The following LRWD1 variants were observed in gnomAD, a reference collection of about 807,000 sequenced individuals.
The protein encoded by LRWD1 is leucine rich repeats and WD repeat domain containing 1, also known as leucine-rich repeat and WD repeat-containing protein 1.
In LRWD1, 76 loss-of-function variants were observed where a neutral mutation model predicts 75.6. The observed-to-expected ratio is 1.01, with a 90% CI of 0.84 to 1.22. The LOEUF (loss-of-function observed/expected upper bound fraction) is 1.22, where lower values mean the gene tolerates loss of function less well. Ranked by LOEUF, LRWD1 falls within the 50% of genes most tolerant of loss-of-function variation. The pLI is 0.00. For missense variants in LRWD1, 917 were observed against 862.0 expected, an observed-to-expected ratio of 1.06 and a Z score of -0.80; for synonymous variants, 487 against 377.0, an observed-to-expected ratio of 1.29 and a Z score of -3.38.
At chr7:102,469,689 C>T (rs750559193) in intron 10 of LRWD1, 43 bp downstream of exon 10, 6 of 1,613,708 alleles carry the variant, frequency 3.7e-6, no homozygotes, top group Non-Finnish European at 5.1e-6. Flanking sequence ...GCTGCTGGGG[C>T]AGGGACACCT....
At chr7:102,472,664 C>T (rs377703199) in intron 13 of LRWD1, 28 bp from the exon 14 acceptor site, 2 of 1,612,116 alleles carry the variant, frequency 1.2e-6, no homozygotes, top group South Asian at 1.1e-5. Flanking sequence ...GCTCTGCCCC[C>T]ACTCAGACTC....
At chr7:102,467,215 T>TGTGTGTGTGTGTGTGTGTGTG in intron 3 of LRWD1, 124 bp from the exon 4 acceptor site, 3 of 878,870 alleles carry the variant, frequency 3.4e-6, no homozygotes, top group Admixed American at 2.2e-5. Flanking sequence ...TGTGTGTGTG[T>TGTGTGTGTGTGTGTGTGTGTG]TTTATGAGGC....
Position 102,465,984 on chromosome 7 carries a change from A to T in LRWD1, c.248A>T (p.Asp83Val). The change falls in exon 2 of 15, where the codon GAT (aspartate) becomes GTT (valine). Residue 83 changes from aspartate (D) to valine (V), a missense_variant. By Grantham distance (152) the Asp-to-Val change is radical (BLOSUM62 -3). Transcript: ENST00000292616. ...VLRCANNQLG[D>V]VTALCQFPKL... ...CGCTGCGCCAACAACCAGCTGGGGG[A>T]TGTTACTGCCTTGTGCCAGTTCCCC... 6.2e-7 allele frequency: 1 copy of T among 1,613,844 alleles called. No individual in the cohort carries two copies. The highest frequency in any genetic ancestry group is 1.3e-5 in the African/African-American group (1 of 74,980).
rs778805830 is a variant in LRWD1, at chr7:102,468,657, G to C, written c.1020+3G>C. 4.5e-6 allele frequency: 7 copies of C among 1,560,624 alleles called. No homozygotes were observed. Reference sequence around the variant, plus strand: ...ACAAGTACAAGGCACCCGGCGAGGTGAGTGCAAGGCCCTGTCCCTGCTGGG... The same window carrying C: ...ACAAGTACAAGGCACCCGGCGAGGTCAGTGCAAGGCCCTGTCCCTGCTGGG... On this transcript the variant is annotated splice_donor_region_variant and intron_variant, in intron 8 of 14. Coordinates refer to ENST00000292616, the MANE Select transcript of LRWD1 (RefSeq NM_152892.3).
intron 1 of LRWD1, 33 bp from the exon 2 acceptor site, chr7:102,465,784 C>T (rs1159761650): frequency 1.9e-6 from 3 of 1,545,322 alleles, no homozygotes; most frequent in Admixed American, 3.3e-5. Context: ...GCAAAGCCTG[C>T]CCGCCCCCTA....
At position 102,473,057 on chromosome 7, in the gene LRWD1, CCATCG is replaced by C. The variant is rs1035943698; in HGVS notation, c.*11_*15del. 6.2e-7 allele frequency: 1 copy of C among 1,609,476 alleles called. No homozygotes were observed. Among genetic ancestry groups the C allele is most frequent in the Non-Finnish European group, 8.5e-7 (1 of 1,176,894 alleles). ...ATCTGGGGGAGGATGTAGCCTCACACCATCGCAAAGGACCAGGGACACAGCTAACT... is the reference window on the plus strand; with the variant it reads ...ATCTGGGGGAGGATGTAGCCTCACACCAAAGGACCAGGGACACAGCTAACT... On this transcript the variant is annotated 3_prime_UTR_variant, in exon 15 of 15. Coordinates refer to ENST00000292616, the MANE Select transcript of LRWD1 (RefSeq NM_152892.3).
intron 10 of LRWD1, 23 bp from the exon 11 acceptor site, chr7:102,469,719 T>G: frequency 6.2e-7 from 1 of 1,611,790 alleles, no homozygotes; most frequent in Non-Finnish European, 8.5e-7. Context: ...TCTGATGCTC[T>G]GTTCCCCCTT....
At chr7:102,465,736 A>G in intron 1 of LRWD1, 81 bp from the exon 2 acceptor site, 1 of 1,011,992 alleles carries the variant, frequency 9.9e-7, no homozygotes, top group Non-Finnish European at 1.5e-6. Flanking sequence ...TCAGGTGAAA[A>G]AGCCTTCTGA....
chr7:102,466,171 A>C lies in LRWD1; in HGVS notation c.333A>C (p.Lys111Asn). 6.2e-7 allele frequency: 1 copy of C among 1,614,136 alleles called. No individual in the cohort carries two copies. The highest frequency in any genetic ancestry group is 8.5e-7 in the Non-Finnish European group (1 of 1,180,022). Residue 111 changes from lysine (K) to asparagine (N), a missense_variant, in exon 3 of 15, where the codon AAA (lysine) becomes AAC (asparagine). By Grantham distance (94) the Lys-to-Asn change is moderately conservative. Transcript: ENST00000292616. ...TTCCCCAGGTCAATGACAACCTGAA[A>C]GTCTCCTTTCTCCTGCCCACGCTCC... is the stretch of plus-strand genomic sequence containing the variant. ...NPFLTVNDNL[K>N]VSFLLPTLRK...
At chr7:102,472,883 C>G (rs1798256712) in intron 14 of LRWD1, 26 bp from the exon 15 acceptor site, 1 of 1,612,400 alleles carries the variant, frequency 6.2e-7, no homozygotes, top group Non-Finnish European at 8.5e-7. Flanking sequence ...GGAGCCCAGC[C>G]CAGCCCTCCC....
chr7:102,465,489 CTTTTTTTTTTTTTTTTTT>C (rs1007523343), intron 1 of LRWD1: 18 of 73,750 alleles, frequency 2.4e-4, no homozygotes, highest in African/African-American at 1.1e-3. Context: ...GTAGTTGCAG[CTTTTTTTTTTTTTTTTTT>C]TTTTTTTTTT....
At position 102,472,447 on chromosome 7, in the gene LRWD1, C is replaced by CCCACAGCCTCCAAGGGGA; in HGVS notation, c.1535-6_1546dup. 6.5e-7 allele frequency: 1 copy of CCCACAGCCTCCAAGGGGA among 1,536,044 alleles called. No homozygotes were observed. The highest frequency in any genetic ancestry group is 8.8e-7 in the Non-Finnish European group (1 of 1,138,190). The stretch of plus-strand genomic sequence containing the variant: ...CACCCTGCACAGCTCTCCCTTCTCC[C>CCCACAGCCTCCAAGGGGA]CCACAGCCTCCAAGGGGAGCGGCCT... On this transcript the variant is annotated splice_region_variant and splice_polypyrimidine_tract_variant and intron_variant, in intron 12 of 14. Coordinates refer to ENST00000292616, the MANE Select transcript of LRWD1 (RefSeq NM_152892.3).
rs762624775 is a variant in LRWD1 at position 102,472,898 on chromosome 7, C to G, written c.1804-11C>G. 1.1e-5 allele frequency: 17 copies of G among 1,612,584 alleles called. No individual in the cohort carries two copies. In the South Asian group the frequency reaches 1.6e-4, roughly 16 times the overall value. ...GGAGCCCAGCCCAGCCCTCCCCTCT[C>G]TCCCCACCAGATCCTGAAGTGGCCC... On this transcript the variant is annotated splice_polypyrimidine_tract_variant and intron_variant, in intron 14 of 14. Coordinates refer to ENST00000292616, the MANE Select transcript of LRWD1 (RefSeq NM_152892.3).
Position 102,472,491 on chromosome 7 carries a change from G to C in LRWD1, c.1572G>C (p.Trp524Cys). ...GCGGCCTGGGCACCATCTGCCTGTG[G>C]AGCTGGAGGCAGACGTGGGGGGGCC... ...KGSGLGTICL[W>C]SWRQTWGGRG... Residue 524 changes from tryptophan (W) to cysteine (C), a missense_variant, in exon 13 of 15, where the codon TGG becomes TGC. Trp to Cys is a radical substitution (Grantham distance 215). Transcript: ENST00000292616. 5.2e-6 allele frequency: 8 copies of C among 1,545,212 alleles called. No homozygotes were observed. Among genetic ancestry groups the C allele is most frequent in the Non-Finnish European group, 7.0e-6 (8 of 1,144,638 alleles).
rs1798129708 is a variant in LRWD1 at position 102,469,762 on chromosome 7, C to G, written c.1322C>G (p.Thr441Ser). The change falls in exon 11 of 15, where the codon ACC (threonine) becomes AGC (serine). Residue 441 changes from threonine to serine, a missense_variant. Coordinates refer to ENST00000292616, the MANE Select transcript of LRWD1 (RefSeq NM_152892.3). Reference protein sequence around the residue: ...FQASQLLTLDTTSIPLRLCPV... With the variant: ...FQASQLLTLDSTSIPLRLCPV... ...GGCAGCCAGCTGCTCACACTGGACA[C>G]CACCTCTATCCCCCTGCGCCTCTGC... 3 of 1,608,850 alleles carry G rather than the reference C, an allele frequency of 1.9e-6. No homozygotes were observed. Among genetic ancestry groups the G allele is most frequent in the African/African-American group, 2.7e-5 (2 of 74,998 alleles).
chr7:102,467,238 A>C (rs1798036338), intron 3 of LRWD1, 101 bp from the exon 4 acceptor site: 1 of 1,215,780 alleles, frequency 8.2e-7, no homozygotes, highest in Non-Finnish European at 1.1e-6. Context: ...TGATTCCAGG[A>C]GGCTTCCAGC....
At chr7:102,466,363 G>A in intron 3 of LRWD1, 93 bp downstream of exon 3, 1 of 1,000,712 alleles carries the variant, frequency 1.0e-6, no homozygotes, top group Non-Finnish European at 1.6e-6. Context: ...TGAGGAGGGT[G>A]ACTGATAGAG....
Position 102,469,653 on chromosome 7 carries a change from C to G in LRWD1, c.1301+7C>G. On this transcript the variant is annotated splice_region_variant and intron_variant, in intron 10 of 14. Coordinates refer to ENST00000292616, the MANE Select transcript of LRWD1 (RefSeq NM_152892.3). ...ACTACGAATTCCAGGCCAGGTGATG[C>G]TTCGGGTGAGGCTGGGGAGTGGCCA... 1 of 1,614,156 alleles carries G rather than the reference C, an allele frequency of 6.2e-7. No individual in the cohort carries two copies. Among genetic ancestry groups the G allele is most frequent in the Non-Finnish European group, 8.5e-7 (1 of 1,179,984 alleles).
Position 102,472,631 on chromosome 7 carries a change from C to T in LRWD1, c.1690+22C>T, listed in dbSNP as rs1177348622. ...CCTGGTGAGCCTGCCCCCCTGCCCG[C>T]CCCATCCCGCGGGCTTCCGGGAGCT... On this transcript the variant is annotated intron_variant, in intron 13 of 14. Transcript: ENST00000292616. 2.5e-6 allele frequency: 4 copies of T among 1,610,034 alleles called. No homozygotes were observed. In the East Asian group the frequency reaches 8.9e-5, roughly 36 times the overall value.
Sources: allele counts gnomAD v4.1 joint callset, GRCh38; gene constraint gnomAD v4.1.1; transcripts MANE v1.5; gene names NCBI Gene and HGNC (gene_info 2026-07-23, HGNC 2026-07-21).